SLC2A13: variants seen among roughly 807,000 people sequenced by gnomAD.
SLC2A13 encodes the protein solute carrier family 2 member 13, also known as proton myo-inositol cotransporter.
A neutral mutation model predicts 64.4 loss-of-function variants in SLC2A13; 32 were observed. That is an observed-to-expected ratio of 0.50 (90% CI 0.37 to 0.67). The LOEUF (loss-of-function observed/expected upper bound fraction) is 0.67, where lower values mean the gene tolerates loss of function less well. Ranked by LOEUF, SLC2A13 falls within the 30% of genes least tolerant of loss-of-function variation. The pLI, the probability that SLC2A13 is intolerant of heterozygous loss-of-function variation, is 0.00. For synonymous variants in SLC2A13, 338 were observed against 327.1 expected (o/e 1.03, Z -0.36); for missense variants, 743 against 829.2 (o/e 0.90, Z 1.28).
chr12:39,963,286 CAAA>C (rs71434304), intron 3 of SLC2A13, among the ~76,000 whole-genome samples: 6 of 112,910 alleles, frequency 5.3e-5, no homozygotes, highest in Non-Finnish European at 1.0e-4. Flanking sequence ...GACTCCGTCT[CAAA>C]AAAAAAAAAA....
chr12:39,798,726 G>C (rs1016479760), intron 7 of SLC2A13, among the ~76,000 whole-genome samples: 2 of 151,990 alleles, frequency 1.3e-5, no homozygotes, highest in African/African-American at 4.8e-5. Flanking sequence ...AACCTTCTGG[G>C]ACATTTCTCA....
chr12:39,769,021 C>T (rs139372397), intron 7 of SLC2A13, among the ~76,000 whole-genome samples: 83 of 152,176 alleles, frequency 5.5e-4, no homozygotes, highest in East Asian at 2.9e-3. Context: ...GTTCCCAACC[C>T]GGTGTGGCTT....
At chr12:39,995,826 G>A (rs907483428) in intron 3 of SLC2A13, among the ~76,000 whole-genome samples, 1 of 152,162 alleles carries the variant, frequency 6.6e-6, no homozygotes, top group African/African-American at 2.4e-5. Context: ...AAAAACGGGA[G>A]TTTCCCTGCA....
chr12:39,830,346 G>A, intron 6 of SLC2A13, 118 bp from the exon 7 acceptor site: 1 of 1,463,498 alleles, frequency 6.8e-7, no homozygotes, highest in East Asian at 2.4e-5. Flanking sequence ...TTGGGGCCTT[G>A]GGACTTGTTT....
intron 3 of SLC2A13, among the ~76,000 whole-genome samples, chr12:40,003,243 T>C (rs987676017): frequency 3.3e-5 from 5 of 152,256 alleles, no homozygotes; most frequent in African/African-American, 9.6e-5. Context: ...TTATGAATTA[T>C]GCTAGCCTCA....
At chr12:39,970,685 T>G (rs896993275) in intron 3 of SLC2A13, among the ~76,000 whole-genome samples, 3 of 152,196 alleles carry the variant, frequency 2.0e-5, no homozygotes, top group Non-Finnish European at 4.4e-5. Flanking sequence ...AACATACACA[T>G]GCACACACAA....
At chr12:40,031,840 AAG>A (rs940866230) in intron 2 of SLC2A13, among the ~76,000 whole-genome samples, 3 of 152,198 alleles carry the variant, frequency 2.0e-5, no homozygotes, top group African/African-American at 7.2e-5. Context: ...ATGAGACAAA[AAG>A]AGAAGGCTCT....
chr12:39,812,245 C>T (rs1161669005), intron 7 of SLC2A13, among the ~76,000 whole-genome samples: 2 of 152,060 alleles, frequency 1.3e-5, no homozygotes, highest in Non-Finnish European at 2.9e-5. Context: ...TTTATAAAGG[C>T]ACTTATCCCA....
At chr12:40,002,979 C>A (rs1228930052) in intron 3 of SLC2A13, among the ~76,000 whole-genome samples, 4 of 152,132 alleles carry the variant, frequency 2.6e-5, no homozygotes, top group Non-Finnish European at 4.4e-5. Flanking sequence ...ATGATTTGTA[C>A]ACTGGAAAGG....
intron 4 of SLC2A13, among the ~76,000 whole-genome samples, chr12:39,945,579 G>T (rs555735111): frequency 1.3e-5 from 2 of 151,624 alleles, no homozygotes; most frequent in South Asian, 2.1e-4. Context: ...TTGTTGGATT[G>T]GATTAATTCA....
chr12:39,818,816 T>C (rs1477688546), intron 7 of SLC2A13, among the ~76,000 whole-genome samples: 2 of 152,178 alleles, frequency 1.3e-5, no homozygotes, highest in Non-Finnish European at 2.9e-5. Context: ...AGTTTCTACA[T>C]ATAAAATATT....
chr12:40,021,884 G>A (rs918438363), intron 3 of SLC2A13, among the ~76,000 whole-genome samples: 4 of 152,094 alleles, frequency 2.6e-5, no homozygotes, highest in African/African-American at 9.7e-5. Context: ...ACATACAGAA[G>A]AATTTCTATC....
intron 1 of SLC2A13, among the ~76,000 whole-genome samples, chr12:40,078,925 T>C (rs1458888451): frequency 6.6e-6 from 1 of 152,176 alleles, no homozygotes; most frequent in Admixed American, 6.5e-5. Context: ...TGCATAGAGG[T>C]ATTCGTAATA....
Position 39,965,169 on chromosome 12 carries a change from C to T in SLC2A13, c.926-13804G>A, listed in dbSNP as rs566522051. Among the ~76,000 whole-genome samples, 102 of 152,212 alleles carry T rather than the reference C, an allele frequency of 6.7e-4. 2 individuals carry two copies. Among genetic ancestry groups the T allele is most frequent in the Admixed American group, 6.5e-4 (10 of 15,296 alleles). The stretch of plus-strand genomic sequence containing the variant: ...AAAATCTGTTAAGAGCAACATAATA[C>T]CAAAACAATCCCTTCAATTTTCTTT... On this transcript the variant is annotated intron_variant, in intron 3 of 9. Coordinates refer to ENST00000280871, the MANE Select transcript of SLC2A13 (RefSeq NM_052885.4).
chr12:39,783,343 G>A (rs1212602295), intron 7 of SLC2A13, among the ~76,000 whole-genome samples: 4 of 152,186 alleles, frequency 2.6e-5, no homozygotes, highest in African/African-American at 7.2e-5. Context: ...GTGTGCATGT[G>A]TCTTTATAGC....
At chr12:39,799,254 CTTTTTTTTTTTTT>C (rs377069679) in intron 7 of SLC2A13, among the ~76,000 whole-genome samples, 1 of 113,290 alleles carries the variant, frequency 8.8e-6, no homozygotes, top group South Asian at 3.0e-4. Context: ...TATGCTTAGC[CTTTTTTTTTTTTT>C]TTTTTTTTTT....
intron 4 of SLC2A13, among the ~76,000 whole-genome samples, chr12:39,914,749 A>G (rs1235384912): frequency 6.6e-6 from 1 of 151,974 alleles, no homozygotes; most frequent in Non-Finnish European, 1.5e-5. Flanking sequence ...GAGTGATGGA[A>G]AAACGGACTC....
chr12:40,002,018 C>T (rs1173873093), intron 3 of SLC2A13, among the ~76,000 whole-genome samples: 1 of 152,102 alleles, frequency 6.6e-6, no homozygotes, highest in Admixed American at 6.6e-5. Flanking sequence ...ACTGGTCTAC[C>T]GCACACATTT....
intron 4 of SLC2A13, among the ~76,000 whole-genome samples, chr12:39,889,977 A>G (rs907046691): frequency 6.6e-6 from 1 of 152,178 alleles, no homozygotes; most frequent in African/African-American, 2.4e-5. Flanking sequence ...GGCCAATAAT[A>G]TTTTACACTT....
Sources: gnomAD v4.1 joint callset for allele counts (sites outside exome capture counted in the v4.1 genomes callset) on GRCh38, gnomAD v4.1.1 for gene constraint, MANE v1.5 for transcripts, NCBI Gene and HGNC (gene_info 2026-07-23, HGNC 2026-07-21) for gene names.